HMCN1: variants seen among roughly 807,000 people sequenced by gnomAD.
The protein encoded by HMCN1 is hemicentin-1.
In HMCN1, 321 loss-of-function variants were observed where a neutral mutation model predicts 625.9. The observed-to-expected ratio is 0.51, with a 90% CI of 0.47 to 0.56. HMCN1 has a LOEUF of 0.56. HMCN1 is among the 20% of genes least tolerant of loss of function. The pLI is 0.00. For synonymous variants in HMCN1, 2,425 were observed against 2,417.6 expected (o/e 1.00, Z -0.09); for missense variants, 6,588 against 6,887.3 (o/e 0.96, Z 1.54).
intron 1 of HMCN1, among the ~76,000 whole-genome samples, chr1:185,807,130 A>C (rs1410234466): frequency 6.6e-6 from 1 of 152,204 alleles, no homozygotes; most frequent in Non-Finnish European, 1.5e-5. Flanking sequence ...CTGTTAAATA[A>C]ATTTCCTATT....
chr1:186,190,894 A>AAAAC lies in HMCN1; in HGVS notation c.*1019_*1022dup, dbSNP rs1653692921. ...ACTCTTTTATAAAATTATTTTATAA[A>AAAAC]AAACAATGTTACACTAAAATCAGCC... On this transcript the variant is annotated 3_prime_UTR_variant, in exon 107 of 107. Transcript: ENST00000271588. 2 of 182,958 alleles carry AAAAC rather than the reference A, an allele frequency of 1.1e-5. No homozygotes were observed. Among genetic ancestry groups the AAAAC allele is most frequent in the African/African-American group, 4.7e-5 (2 of 42,622 alleles). 11.3% of individuals were successfully genotyped at this position (182,958 alleles called of 1,614,324 possible). A position where few individuals can be genotyped will look rare whatever the true frequency, so the allele number is the denominator to read the frequency against.
chr1:185,896,583 G>A (rs57103984), intron 4 of HMCN1, among the ~76,000 whole-genome samples: 9,676 of 152,146 alleles, frequency 0.064, 1,081 homozygotes, highest in African/African-American at 0.22. Context: ...TGAAAATGAA[G>A]AGGTAATATA....
chr1:185,990,534 A>C, intron 22 of HMCN1, 91 bp downstream of exon 22: 2 of 1,075,566 alleles, frequency 1.9e-6, no homozygotes, highest in Non-Finnish European at 2.9e-6. Flanking sequence ...CAAACGTCTC[A>C]AAAAATCACC....
At chr1:186,031,551 T>G (rs369582064) in intron 36 of HMCN1, among the ~76,000 whole-genome samples, 16 of 152,220 alleles carry the variant, frequency 1.1e-4, no homozygotes, top group East Asian at 7.7e-4. Flanking sequence ...AGATTGATGC[T>G]TTTCTTCAAA....
intron 6 of HMCN1, among the ~76,000 whole-genome samples, chr1:185,914,671 C>A (rs1487385927): frequency 6.6e-6 from 1 of 151,842 alleles, no homozygotes; most frequent in Non-Finnish European, 1.5e-5. Flanking sequence ...TTATAACTAT[C>A]CCACAAAGTT....
intron 4 of HMCN1, 148 bp from the exon 5 acceptor site, chr1:185,909,189 G>A: frequency 3.1e-6 from 2 of 640,492 alleles, no homozygotes; most frequent in Admixed American, 2.6e-5. Context: ...ATTAGAAAGA[G>A]TCCTATCTTC....
At chr1:185,981,698 C>T (rs151124176) in intron 17 of HMCN1, among the ~76,000 whole-genome samples, 78 of 152,122 alleles carry the variant, frequency 5.1e-4, no homozygotes, top group African/African-American at 1.7e-3. Flanking sequence ...TCTACATACA[C>T]GTTTTCCAAG....
chr1:186,040,976 A>G (rs1656163833), intron 39 of HMCN1, 37 bp from the exon 40 acceptor site: 2 of 1,608,234 alleles, frequency 1.2e-6, no homozygotes, highest in Non-Finnish European at 1.7e-6. Context: ...CCATTCTCAG[A>G]GACATATTGG....
chr1:185,991,154 CA>C (rs762934460), intron 22 of HMCN1, among the ~76,000 whole-genome samples: 1 of 152,040 alleles, frequency 6.6e-6, no homozygotes, highest in Non-Finnish European at 1.5e-5. Context: ...AACATCAAGG[CA>C]AAAGTTACTG....
chr1:186,109,108 G>C (rs1399639654), intron 71 of HMCN1, among the ~76,000 whole-genome samples: 2 of 152,194 alleles, frequency 1.3e-5, no homozygotes, highest in Non-Finnish European at 2.9e-5. Flanking sequence ...CCTACCTGCT[G>C]TCATACAGCG....
At chr1:186,182,842 C>T (rs1244860141) in intron 105 of HMCN1, among the ~76,000 whole-genome samples, 1 of 152,046 alleles carries the variant, frequency 6.6e-6, no homozygotes, top group Non-Finnish European at 1.5e-5. Flanking sequence ...CTAGTGGAGA[C>T]AGACATGTAA....
chr1:185,955,374 T>C (rs1649545316), intron 11 of HMCN1, among the ~76,000 whole-genome samples: 1 of 152,062 alleles, frequency 6.6e-6, no homozygotes, highest in Non-Finnish European at 1.5e-5. Flanking sequence ...AAGCAATGCA[T>C]AGAGAAAAAA....
intron 56 of HMCN1, among the ~76,000 whole-genome samples, chr1:186,082,345 A>G (rs1014502666): frequency 1.3e-5 from 2 of 152,152 alleles, no homozygotes; most frequent in African/African-American, 4.8e-5. Flanking sequence ...GATCGCACAC[A>G]TATCTGGGGC....
rs1452631925 is a variant in HMCN1, at chr1:186,095,364, T to C, written c.10416T>C (p.Asp3472=). The change falls in exon 68 of 107, where the codon GAT becomes GAC. Residue 3472 remains aspartate, a synonymous_variant. Coordinates refer to ENST00000271588, the MANE Select transcript of HMCN1 (RefSeq NM_031935.3). ...CTCCCAGTATGGCCTGGCTTAGAGA[T>C]GGCCAGCCTCTGGGGCTTGATGCCC... is the stretch of plus-strand genomic sequence containing the variant. The part of the protein sequence containing the change: ...TPAPSMAWLR[D]GQPLGLDAHL... 1.9e-6 allele frequency: 3 copies of C among 1,613,600 alleles called. No individual in the cohort carries two copies. The East Asian group carries it at 6.7e-5, about 36-fold the overall frequency.
rs569859906 is a variant in HMCN1, at chr1:185,805,198, A to T, written c.269-40828A>T. 3.9e-4 allele frequency among the ~76,000 whole-genome samples: 60 copies of T among 152,330 alleles called. No individual in the cohort carries two copies. In the South Asian group the frequency reaches 8.5e-3, roughly 22 times the overall value. ...GCTTGTGAGATACAATAGCATTTTT[A>T]AAAAATTCTAAAGACATTAAAATAC... On this transcript the variant is annotated intron_variant, in intron 1 of 106. Transcript: ENST00000271588.
rs1271833632 is a variant in HMCN1 at position 186,029,740 on chromosome 1, A to ATAT, written c.5749+6587_5749+6588insTAT. ...TCTCTATTTAATTTGTATATACTCTAATTTTTTTTGTTTTCTCCTTTTGCT... is the reference window on the plus strand; with the variant it reads ...TCTCTATTTAATTTGTATATACTCTATATATTTTTTTTGTTTTCTCCTTTTGCT... On this transcript the variant is annotated intron_variant, in intron 36 of 106. Coordinates refer to ENST00000271588, the MANE Select transcript of HMCN1 (RefSeq NM_031935.3). 2.6e-5 allele frequency among the ~76,000 whole-genome samples: 4 copies of ATAT among 151,138 alleles called. No individual in the cohort carries two copies. In the East Asian group the frequency reaches 7.8e-4, roughly 29 times the overall value.
At position 186,120,163 on chromosome 1, in the gene HMCN1, C is replaced by T; in HGVS notation, c.12229+18C>T. ...TGTCCAAGGTACCTAAATAATTCAT[C>T]TCTGTTTTCAATTCAAAGATGTTTG... is the stretch of plus-strand genomic sequence containing the variant. On this transcript the variant is annotated intron_variant, in intron 80 of 106. Transcript: ENST00000271588. 6.2e-7 allele frequency: 1 copy of T among 1,612,208 alleles called. No individual in the cohort carries two copies. The highest frequency in any genetic ancestry group is 8.5e-7 in the Non-Finnish European group (1 of 1,178,866).
At position 186,117,099 on chromosome 1, in the gene HMCN1, G is replaced by T; in HGVS notation, c.11667G>T (p.Val3889=). Reference sequence around the variant, plus strand: ...GTGCTGGAGATGATAAAAGAACTGTGGATCTCACTGTCCAAGGTAGAATTG... The same window carrying T: ...GTGCTGGAGATGATAAAAGAACTGTTGATCTCACTGTCCAAGGTAGAATTG... ...TNGAGDDKRT[V]DLTVQVPPSI... Residue 3889 remains valine (V), a synonymous_variant, in exon 76 of 107, where the codon GTG becomes GTT. Coordinates refer to ENST00000271588, the MANE Select transcript of HMCN1 (RefSeq NM_031935.3). 2 of 1,613,332 alleles carry T rather than the reference G, an allele frequency of 1.2e-6. No individual in the cohort carries two copies. Among genetic ancestry groups the T allele is most frequent in the South Asian group, 2.2e-5 (2 of 91,046 alleles).
intron 40 of HMCN1, 148 bp from the exon 41 acceptor site, chr1:186,045,540 C>T: frequency 3.0e-6 from 2 of 669,330 alleles, no homozygotes; most frequent in Non-Finnish European, 5.4e-6. Context: ...GGACTTGAAC[C>T]AAGTGATGCA....
Sources: allele counts gnomAD v4.1 joint callset (sites outside exome capture counted in the v4.1 genomes callset), GRCh38; gene constraint gnomAD v4.1.1; transcripts MANE v1.5; gene names NCBI Gene and HGNC (gene_info 2026-07-23, HGNC 2026-07-21).